TAFA1: variants seen among roughly 807,000 people sequenced by gnomAD.
TAFA1 encodes TAFA chemokine like family member 1, also known as chemokine-like protein TAFA-1.
A neutral mutation model predicts 18.5 loss-of-function variants in TAFA1; 4 were observed. The ratio of observed to expected loss-of-function variants is 0.22; its 90% CI spans 0.11 to 0.49. The LOEUF is 0.49. Ranked by LOEUF, TAFA1 falls within the 20% of genes least tolerant of loss-of-function variation. The pLI, the probability that TAFA1 is intolerant of heterozygous loss-of-function variation, is 0.98. For synonymous variants in TAFA1, 56 were observed against 55.2 expected (o/e 1.01, Z -0.06); for missense variants, 147 against 169.0 (o/e 0.87, Z 0.72).
intron 2 of TAFA1, among the ~76,000 whole-genome samples, chr3:68,064,878 C>A (rs1176460801): frequency 6.6e-6 from 1 of 151,894 alleles, no homozygotes; most frequent in East Asian, 1.9e-4. Context: ...TTTCTTTATT[C>A]TTTCTAGGGA....
In TAFA1 at chr3:68,225,620, C is replaced by A. The variant is rs552687167; in HGVS notation, c.119-191660C>A. 7.9e-5 allele frequency among the ~76,000 whole-genome samples: 12 copies of A among 152,208 alleles called. No homozygotes were observed. In the South Asian group the frequency reaches 2.5e-3, roughly 32 times the overall value. ...ATGTGCCAGGCCCTGAGTCAGGTAC[C>A]CAACATGCAGAGTAGGTAGCCAGAG... is the stretch of plus-strand genomic sequence containing the variant. On this transcript the variant is annotated intron_variant, in intron 2 of 4. Transcript: ENST00000478136.
At chr3:68,398,323 G>C (rs1335992158) in intron 2 of TAFA1, among the ~76,000 whole-genome samples, 1 of 152,162 alleles carries the variant, frequency 6.6e-6, no homozygotes, top group Non-Finnish European at 1.5e-5. Flanking sequence ...AATGGGGAAA[G>C]GATTCCCTAT....
intron 3 of TAFA1, among the ~76,000 whole-genome samples, chr3:68,419,062 C>T (rs902320991): frequency 2.6e-5 from 4 of 152,122 alleles, no homozygotes; most frequent in Non-Finnish European, 5.9e-5. Flanking sequence ...CTTGTTTCCT[C>T]GCCTCGTGAA....
rs189646800 is a variant in TAFA1, at chr3:68,007,252, C to A, written c.118+508C>A. ...CTCCCTTCCTTCACTTTCTGTTCTT[C>A]CGGTATGCTCAGTGGCATTTTTCCC... is the stretch of plus-strand genomic sequence containing the variant. On this transcript the variant is annotated intron_variant, in intron 2 of 4. Transcript: ENST00000478136. Among the ~76,000 whole-genome samples the A allele has an allele frequency of 3.8e-3, 575 of 152,304 alleles. 1 individual carries two copies. Among genetic ancestry groups the A allele is most frequent in the African/African-American group, 0.013 (546 of 41,566 alleles).
intron 3 of TAFA1, among the ~76,000 whole-genome samples, chr3:68,501,479 A>T (rs2072658504): frequency 3.9e-5 from 6 of 152,188 alleles, no homozygotes; most frequent in Admixed American, 2.6e-4. Context: ...GTATAAAATA[A>T]TCATACTTAT....
intron 2 of TAFA1, among the ~76,000 whole-genome samples, chr3:68,063,900 T>C (rs557464040): frequency 8.7e-4 from 132 of 152,264 alleles, no homozygotes; most frequent in Non-Finnish European, 1.6e-3. Flanking sequence ...TAGCAGTAAA[T>C]AAAAAGATTA....
chr3:68,374,026 A>T (rs2069762680), intron 2 of TAFA1, among the ~76,000 whole-genome samples: 1 of 152,126 alleles, frequency 6.6e-6, no homozygotes, highest in African/African-American at 2.4e-5. Flanking sequence ...GTCTCCCGGA[A>T]CCTGAGGGCA....
Position 68,426,724 on chromosome 3 carries a change from A to G in TAFA1, c.259+9304A>G, listed in dbSNP as rs192504221. On this transcript the variant is annotated intron_variant, in intron 3 of 4. Transcript: ENST00000478136. Reference sequence around the variant, plus strand: ...ATGGGGTTCACCAACAAAGAAGATGATAAATAGGAAATTTTGTGATGAGAC... The same window carrying G: ...ATGGGGTTCACCAACAAAGAAGATGGTAAATAGGAAATTTTGTGATGAGAC... Among the ~76,000 whole-genome samples the G allele has an allele frequency of 6.6e-5, 10 of 152,066 alleles. 1 individual carries two copies. Among genetic ancestry groups the G allele is most frequent in the Admixed American group, 5.9e-4 (9 of 15,236 alleles).
chr3:68,006,599 C>A (rs1704362330), intron 1 of TAFA1, 25 bp from the exon 2 acceptor site: 1 of 1,553,822 alleles, frequency 6.4e-7, no homozygotes, highest in Admixed American at 1.7e-5. Flanking sequence ...CGGAGGTAAC[C>A]TTTCCTGTCG....
chr3:68,066,465 G>C (rs1423780098), intron 2 of TAFA1, among the ~76,000 whole-genome samples: 1 of 152,186 alleles, frequency 6.6e-6, no homozygotes, highest in Non-Finnish European at 1.5e-5. Context: ...TTTTAAATGT[G>C]TGTCTGTCTA....
chr3:68,139,533 T>G (rs909291704), intron 2 of TAFA1, among the ~76,000 whole-genome samples: 1 of 152,182 alleles, frequency 6.6e-6, no homozygotes, highest in Admixed American at 6.6e-5. Context: ...CCTTATTCTC[T>G]TCTTTAAAAA....
intron 2 of TAFA1, among the ~76,000 whole-genome samples, chr3:68,284,047 G>A (rs1243136976): frequency 1.3e-5 from 2 of 152,126 alleles, no homozygotes; most frequent in Non-Finnish European, 2.9e-5. Context: ...TTGTCATTAG[G>A]CTTTTGATAT....
intron 2 of TAFA1, among the ~76,000 whole-genome samples, chr3:68,373,264 A>T (rs976466954): frequency 1.3e-5 from 2 of 152,174 alleles, no homozygotes; most frequent in African/African-American, 4.8e-5. Flanking sequence ...CCCAGCTTTT[A>T]TGTTATTTCT....
chr3:68,087,688 G>A (rs949507657), intron 2 of TAFA1, among the ~76,000 whole-genome samples: 2 of 149,740 alleles, frequency 1.3e-5, no homozygotes, highest in Non-Finnish European at 3.0e-5. Flanking sequence ...TTAAAACATA[G>A]CATTATATTA....
chr3:68,477,487 G>C (rs1368186680), intron 3 of TAFA1, among the ~76,000 whole-genome samples: 1 of 152,084 alleles, frequency 6.6e-6, no homozygotes, highest in Non-Finnish European at 1.5e-5. Context: ...TGATTCTCTT[G>C]CCTCAGCCTC....
chr3:68,156,573 C>T (rs1037825014), intron 2 of TAFA1, among the ~76,000 whole-genome samples: 3 of 152,112 alleles, frequency 2.0e-5, no homozygotes, highest in South Asian at 2.1e-4. Flanking sequence ...TTGCTCAGCA[C>T]ATATCTGTTG....
chr3:68,078,120 T>A (rs1056441454), intron 2 of TAFA1, among the ~76,000 whole-genome samples: 1 of 152,044 alleles, frequency 6.6e-6, no homozygotes, highest in African/African-American at 2.4e-5. Flanking sequence ...TTGTCTGTTG[T>A]TGGTGTATAA....
intron 2 of TAFA1, among the ~76,000 whole-genome samples, chr3:68,223,456 A>G (rs2066756817): frequency 6.6e-6 from 1 of 152,014 alleles, no homozygotes; most frequent in Admixed American, 6.6e-5. Context: ...ACAATTTCTA[A>G]TTTTTTTCAG....
intron 2 of TAFA1, among the ~76,000 whole-genome samples, chr3:68,074,588 A>C (rs1015192865): frequency 6.6e-6 from 1 of 152,310 alleles, no homozygotes; most frequent in Middle Eastern, 3.4e-3. Context: ...AAAAGTATAT[A>C]AGGCTTCTGA....
Sources: allele counts gnomAD v4.1 joint callset (sites outside exome capture counted in the v4.1 genomes callset), GRCh38; gene constraint gnomAD v4.1.1; transcripts MANE v1.5; gene names NCBI Gene and HGNC (gene_info 2026-07-23, HGNC 2026-07-21).